KIF16B: variants seen among roughly 807,000 people sequenced by gnomAD.
KIF16B encodes the protein kinesin family member 16B, also known as kinesin-like protein KIF16B.
A neutral mutation model predicts 156.3 loss-of-function variants in KIF16B; 98 were observed. The observed-to-expected ratio is 0.63, with a 90% confidence interval of 0.53 to 0.74. KIF16B has a LOEUF of 0.74. Among genes scored for constraint, KIF16B ranks in the 30% least tolerant of loss-of-function variants. KIF16B has a pLI of 0.00. For synonymous variants in KIF16B, 564 were observed against 583.7 expected (o/e 0.97, Z 0.49); for missense variants, 1,421 against 1,606.5 (o/e 0.88, Z 1.97).
At chr20:16,331,246 T>G (rs1043938205) in intron 24 of KIF16B, among the ~76,000 whole-genome samples, 1 of 152,200 alleles carries the variant, frequency 6.6e-6, no homozygotes, top group African/African-American at 2.4e-5. Context: ...ACATGTAATT[T>G]ATTATTGGGG....
chr20:16,469,280 A>AAAAAAAAAAAAAAAAT (rs2067588908), intron 12 of KIF16B, among the ~76,000 whole-genome samples: 2 of 147,638 alleles, frequency 1.4e-5, no homozygotes, highest in Non-Finnish European at 1.5e-5. Context: ...AAAAAAAAAA[A>AAAAAAAAAAAAAAAAT]TGGTCTCCTT....
intron 24 of KIF16B, among the ~76,000 whole-genome samples, chr20:16,332,145 T>C (rs943162387): frequency 6.6e-6 from 1 of 152,158 alleles, no homozygotes; most frequent in African/African-American, 2.4e-5. Flanking sequence ...ATTTTTATAT[T>C]ATTGTTGGTT....
At chr20:16,492,169 G>A in intron 12 of KIF16B, among the ~76,000 whole-genome samples, 1 of 152,262 alleles carries the variant, frequency 6.6e-6, no homozygotes, top group Non-Finnish European at 1.5e-5. Flanking sequence ...CTGGAACAAT[G>A]ACTGACTGAT....
At chr20:16,374,120 G>A (rs920632770) in intron 20 of KIF16B, 137 bp downstream of exon 20, 3 of 827,208 alleles carry the variant, frequency 3.6e-6, no homozygotes, top group East Asian at 6.0e-5. Context: ...GCAGATGAAG[G>A]CAGAGCACAT....
At chr20:16,280,432 G>A (rs1289336292) in intron 25 of KIF16B, among the ~76,000 whole-genome samples, 7 of 152,256 alleles carry the variant, frequency 4.6e-5, no homozygotes, top group Admixed American at 4.6e-4. Flanking sequence ...GCCAAGGCCA[G>A]CCTGTGCAAG....
At chr20:16,402,751 T>C (rs993294889) in intron 17 of KIF16B, among the ~76,000 whole-genome samples, 1 of 152,144 alleles carries the variant, frequency 6.6e-6, no homozygotes, top group African/African-American at 2.4e-5. Context: ...GCACAGACAG[T>C]GGACAGCCCG....
At chr20:16,473,640 G>T (rs2067725917) in intron 12 of KIF16B, among the ~76,000 whole-genome samples, 1 of 152,102 alleles carries the variant, frequency 6.6e-6, no homozygotes, top group Non-Finnish European at 1.5e-5. Flanking sequence ...TAATCCCAAA[G>T]ATCACTAAGT....
chr20:16,562,030 C>T (rs377468724), intron 1 of KIF16B, among the ~76,000 whole-genome samples: 4 of 152,104 alleles, frequency 2.6e-5, no homozygotes, highest in Non-Finnish European at 5.9e-5. Flanking sequence ...TTAATTTCTT[C>T]GTTTTGATCA....
intron 11 of KIF16B, among the ~76,000 whole-genome samples, chr20:16,497,070 T>C (rs1421709667): frequency 1.3e-5 from 2 of 152,128 alleles, no homozygotes; most frequent in African/African-American, 2.4e-5. Flanking sequence ...TTCAAAGGCA[T>C]GGGCACACAC....
Position 16,273,023 on chromosome 20 carries a change from G to T in KIF16B, c.*230C>A. ...CTGTGGGAAAAGGCCACGTTCAACC[G>T]CAATGGAACGGTAACGGCTGCCTGT... On this transcript the variant is annotated 3_prime_UTR_variant, in exon 26 of 26. Coordinates refer to ENST00000354981, the MANE Select transcript of KIF16B (RefSeq NM_024704.5). The T allele has an allele frequency of 2.0e-6, 1 of 499,124 alleles. No individual in the cohort carries two copies. The highest frequency in any genetic ancestry group is 3.6e-6 in the Non-Finnish European group (1 of 277,210). 30.9% of individuals were successfully genotyped at this position (499,124 alleles called of 1,614,324 possible). A position where few individuals can be genotyped will look rare whatever the true frequency, so the allele number is the denominator to read the frequency against.
At chr20:16,400,901 G>A (rs985220314) in intron 17 of KIF16B, among the ~76,000 whole-genome samples, 3 of 152,142 alleles carry the variant, frequency 2.0e-5, no homozygotes, top group Non-Finnish European at 2.9e-5. Flanking sequence ...TTGGCAAGAC[G>A]AAACTGGTTG....
At chr20:16,378,694 A>G in intron 19 of KIF16B, 111 bp downstream of exon 19, 1 of 1,129,156 alleles carries the variant, frequency 8.9e-7, no homozygotes. Flanking sequence ...AAGAATATGA[A>G]GGCTAAAAGA....
intron 24 of KIF16B, among the ~76,000 whole-genome samples, chr20:16,327,809 T>C (rs184908246): frequency 6.6e-6 from 1 of 152,270 alleles, no homozygotes; most frequent in African/African-American, 2.4e-5. Context: ...TTTGTCTGCA[T>C]AGCTGTTTGC....
intron 19 of KIF16B, among the ~76,000 whole-genome samples, chr20:16,375,716 C>T (rs1156689146): frequency 6.7e-6 from 1 of 150,030 alleles, no homozygotes; most frequent in Non-Finnish European, 1.5e-5. Flanking sequence ...TGGATGTAGG[C>T]AGGCAATTAG....
chr20:16,409,468 C>A, intron 15 of KIF16B, among the ~76,000 whole-genome samples: 1 of 151,978 alleles, frequency 6.6e-6, no homozygotes. Context: ...GGGCTCTGTG[C>A]AGCAGCATAA....
chr20:16,340,931 A>G (rs1033729356), intron 23 of KIF16B, among the ~76,000 whole-genome samples: 1 of 152,176 alleles, frequency 6.6e-6, no homozygotes, highest in Non-Finnish European at 1.5e-5. Flanking sequence ...GCACAAGATG[A>G]CAAGACAGCA....
chr20:16,471,299 T>C (rs2067656231), intron 12 of KIF16B, among the ~76,000 whole-genome samples: 1 of 151,990 alleles, frequency 6.6e-6, no homozygotes, highest in Non-Finnish European at 1.5e-5. Flanking sequence ...AAAATATGAG[T>C]CCTAAAATAC....
intron 12 of KIF16B, among the ~76,000 whole-genome samples, chr20:16,438,137 A>G (rs541325825): frequency 1.0e-3 from 153 of 151,982 alleles, no homozygotes; most frequent in African/African-American, 3.6e-3. Flanking sequence ...ACAAAGCAAG[A>G]CTCCGTCTCA....
chr20:16,278,106 T>C lies in KIF16B; in HGVS notation c.3796-4695A>G, dbSNP rs1005355030. 7.4e-5 allele frequency among the ~76,000 whole-genome samples: 11 copies of C among 149,344 alleles called. 1 individual carries two copies. The highest frequency in any genetic ancestry group is 3.3e-4 in the Admixed American group (5 of 15,128). On this transcript the variant is annotated intron_variant, in intron 25 of 25. Transcript: ENST00000354981. ...ATTGCAAACCAGAAATAAGATGGGA[T>C]GGCGGAGCCAAAGGGGGCCTAGGAG...
Sources: gnomAD v4.1 joint callset for allele counts (sites outside exome capture counted in the v4.1 genomes callset) on GRCh38, gnomAD v4.1.1 for gene constraint, MANE v1.5 for transcripts, NCBI Gene and HGNC (gene_info 2026-07-23, HGNC 2026-07-21) for gene names.